CADPS2: variants seen among roughly 807,000 people sequenced by gnomAD.
CADPS2 encodes the protein calcium-dependent secretion activator 2.
In CADPS2, 93 loss-of-function variants were observed where a neutral mutation model predicts 172.5. The ratio of observed to expected loss-of-function variants is 0.54; its 90% confidence interval spans 0.46 to 0.64. The LOEUF (loss-of-function observed/expected upper bound fraction) is 0.64. Ranked by LOEUF, CADPS2 falls within the 30% of genes least tolerant of loss-of-function variation. CADPS2 has a pLI of 0.00. For synonymous variants in CADPS2, 546 were observed against 555.2 expected, an observed-to-expected ratio of 0.98 and a Z score of 0.23; for missense variants, 1,420 against 1,565.9, an observed-to-expected ratio of 0.91 and a Z score of 1.57.
At chr7:122,569,382 A>G (rs921043324) in intron 7 of CADPS2, among the ~76,000 whole-genome samples, 17 of 151,914 alleles carry the variant, frequency 1.1e-4, no homozygotes, top group African/African-American at 2.4e-4. Flanking sequence ...AAATAAAAGA[A>G]GATACAAACA....
At chr7:122,508,896 A>G (rs1056688237) in intron 9 of CADPS2, among the ~76,000 whole-genome samples, 7 of 152,046 alleles carry the variant, frequency 4.6e-5, no homozygotes, top group Admixed American at 3.9e-4. Context: ...GGGGCCTTTC[A>G]TTTTCTACCA....
At chr7:122,694,301 G>A (rs1049738625) in intron 2 of CADPS2, among the ~76,000 whole-genome samples, 2 of 152,178 alleles carry the variant, frequency 1.3e-5, no homozygotes, top group African/African-American at 4.8e-5. Flanking sequence ...TAGTGGAGAT[G>A]AGCAGTCAAG....
At chr7:122,824,223 T>G (rs1563109300) in intron 1 of CADPS2, among the ~76,000 whole-genome samples, 3 of 152,232 alleles carry the variant, frequency 2.0e-5, no homozygotes, top group Non-Finnish European at 4.4e-5. Flanking sequence ...ATTTTTATGA[T>G]TGCCCATTTC....
intron 6 of CADPS2, among the ~76,000 whole-genome samples, chr7:122,591,485 ACTTT>A (rs1320523525): frequency 1.3e-5 from 2 of 152,144 alleles, no homozygotes; most frequent in African/African-American, 4.8e-5. Flanking sequence ...GGAAAAAACT[ACTTT>A]AAAGTTCATA....
chr7:122,768,639 A>C (rs1003955013), intron 1 of CADPS2, among the ~76,000 whole-genome samples: 19 of 152,326 alleles, frequency 1.2e-4, no homozygotes, highest in African/African-American at 4.6e-4. Context: ...GAGATATAAA[A>C]TTCATGATAT....
At chr7:122,784,516 T>C (rs1327577849) in intron 1 of CADPS2, among the ~76,000 whole-genome samples, 1 of 152,248 alleles carries the variant, frequency 6.6e-6, no homozygotes, top group Non-Finnish European at 1.5e-5. Flanking sequence ...ATGTGGGTGA[T>C]ACTTTCTGAA....
chr7:122,766,257 C>G (rs35335008), intron 1 of CADPS2, among the ~76,000 whole-genome samples: 32,635 of 151,966 alleles, frequency 0.21, 3,750 homozygotes, highest in Middle Eastern at 0.31. Context: ...CCCTACCACA[C>G]AACACTGCAA....
At chr7:122,575,071 TGA>T (rs2067821338) in intron 7 of CADPS2, among the ~76,000 whole-genome samples, 1 of 151,916 alleles carries the variant, frequency 6.6e-6, no homozygotes, top group South Asian at 2.1e-4. Flanking sequence ...AAACCAGTCA[TGA>T]AAAAAATAGT....
chr7:122,574,663 C>T (rs758138753), intron 7 of CADPS2, among the ~76,000 whole-genome samples: 21 of 151,342 alleles, frequency 1.4e-4, no homozygotes, highest in Admixed American at 3.3e-4. Context: ...CATATTGGTG[C>T]TGTGGGGGAA....
chr7:122,860,431 C>T (rs998877739), intron 1 of CADPS2, among the ~76,000 whole-genome samples: 7 of 152,020 alleles, frequency 4.6e-5, no homozygotes, highest in Admixed American at 1.3e-4. Flanking sequence ...GGCAGGGTCT[C>T]ACTTTGTTGG....
chr7:122,649,888 G>A (rs1210520927), intron 3 of CADPS2, among the ~76,000 whole-genome samples: 1 of 96,824 alleles, frequency 1.0e-5, no homozygotes, highest in East Asian at 4.1e-4. Flanking sequence ...TTTTTCTTAA[G>A]TATTCAATGA....
chr7:122,574,099 G>A (rs1284963649), intron 7 of CADPS2, among the ~76,000 whole-genome samples: 1 of 151,942 alleles, frequency 6.6e-6, no homozygotes, highest in African/African-American at 2.4e-5. Flanking sequence ...CGCAAAATGA[G>A]TAAATATATT....
intron 1 of CADPS2, among the ~76,000 whole-genome samples, chr7:122,872,256 T>C (rs1563220159): frequency 6.6e-6 from 1 of 152,254 alleles, no homozygotes; most frequent in East Asian, 1.9e-4. Flanking sequence ...TCAAACTTTA[T>C]AGGGATTCTT....
intron 28 of CADPS2, among the ~76,000 whole-genome samples, chr7:122,343,789 A>G (rs2289705): frequency 0.21 from 31,887 of 152,134 alleles, 3,849 homozygotes; most frequent in East Asian, 0.45. Flanking sequence ...GAAAATCACC[A>G]CATTAGCAGA....
At chr7:122,771,054 G>A (rs942581201) in intron 1 of CADPS2, among the ~76,000 whole-genome samples, 3 of 152,126 alleles carry the variant, frequency 2.0e-5, no homozygotes, top group African/African-American at 7.2e-5. Flanking sequence ...TGGGCTTTTT[G>A]AAAAATGCCC....
chr7:122,861,993 C>T (rs1172820346), intron 1 of CADPS2, among the ~76,000 whole-genome samples: 1 of 152,124 alleles, frequency 6.6e-6, no homozygotes, highest in Non-Finnish European at 1.5e-5. Flanking sequence ...TTTAGACCTC[C>T]ATAGAATCAG....
intron 23 of CADPS2, 138 bp downstream of exon 23, chr7:122,388,445 A>C (rs1022703138): frequency 4.6e-6 from 4 of 869,474 alleles, no homozygotes; most frequent in Non-Finnish European, 6.4e-6. Context: ...TAATCAAGAT[A>C]ACCTAATACT....
rs748526725 is a variant in CADPS2 at position 122,470,916 on chromosome 7, C to G, written c.2186+459G>C. On this transcript the variant is annotated intron_variant, in intron 14 of 29. Coordinates refer to ENST00000449022, the MANE Select transcript of CADPS2 (RefSeq NM_017954.11). ...CCTAAAGTGTGGATTAGGGAAGTGGCTAAGAAGAGACTCTACATAAAACCC... is the reference window on the plus strand; with the variant it reads ...CCTAAAGTGTGGATTAGGGAAGTGGGTAAGAAGAGACTCTACATAAAACCC... Among the ~76,000 whole-genome samples the G allele has an allele frequency of 2.6e-5, 4 of 152,244 alleles. No individual in the cohort carries two copies. In the East Asian group the frequency reaches 7.7e-4, roughly 29 times the overall value.
At chr7:122,377,604 T>C (rs1435689151) in intron 25 of CADPS2, among the ~76,000 whole-genome samples, 1 of 152,180 alleles carries the variant, frequency 6.6e-6, no homozygotes, top group Non-Finnish European at 1.5e-5. Flanking sequence ...GGTGCAAAGT[T>C]AACTTTATTT....
Sources: gnomAD v4.1 joint callset for allele counts (sites outside exome capture counted in the v4.1 genomes callset) on GRCh38, gnomAD v4.1.1 for gene constraint, MANE v1.5 for transcripts, NCBI Gene and HGNC (gene_info 2026-07-23, HGNC 2026-07-21) for gene names.